The following KCNH1 variants were observed in gnomAD, a reference collection of about 807,000 sequenced individuals.
KCNH1 encodes potassium voltage-gated channel subfamily H member 1, also known as voltage-gated delayed rectifier potassium channel KCNH1.
Under a neutral mutation model 69.2 loss-of-function variants are expected in KCNH1, and 27 were observed. That is an observed-to-expected ratio of 0.39 (90% CI 0.29 to 0.54). The LOEUF (loss-of-function observed/expected upper bound fraction) is 0.54. Ranked by LOEUF, KCNH1 falls within the 20% of genes least tolerant of loss-of-function variation. The probability of loss-of-function intolerance (pLI) is 0.68; values close to 1 mark genes in which losing one functional copy is unlikely to be tolerated. For synonymous variants in KCNH1, 456 were observed against 487.7 expected (o/e 0.93, Z 0.86); for missense variants, 798 against 1,261.6 (o/e 0.63, Z 5.57).
At chr1:210,701,058 C>A (rs570913487) in intron 10 of KCNH1, among the ~76,000 whole-genome samples, 1 of 152,288 alleles carries the variant, frequency 6.6e-6, no homozygotes, top group South Asian at 2.1e-4. Flanking sequence ...CTGCCTCAGC[C>A]TCCCAAGTAG....
At chr1:211,117,148 C>G (rs190688540) in intron 1 of KCNH1, among the ~76,000 whole-genome samples, 6 of 152,202 alleles carry the variant, frequency 3.9e-5, no homozygotes, top group Admixed American at 2.0e-4. Flanking sequence ...ACTGCTGATG[C>G]TGTGTAAGCT....
intron 6 of KCNH1, among the ~76,000 whole-genome samples, chr1:211,016,832 C>T (rs1189772025): frequency 6.9e-6 from 1 of 145,224 alleles, no homozygotes; most frequent in African/African-American, 2.6e-5. Flanking sequence ...TTGCCTGAAC[C>T]TGGGAGGCAG....
chr1:210,806,656 A>T (rs1024167176), intron 7 of KCNH1, among the ~76,000 whole-genome samples: 1 of 151,086 alleles, frequency 6.6e-6, no homozygotes. Context: ...GTTTAATAAT[A>T]GTTCATGTCT....
At chr1:210,976,253 C>T (rs11119641) in intron 6 of KCNH1, among the ~76,000 whole-genome samples, 8,407 of 145,474 alleles carry the variant, frequency 0.058, 342 homozygotes, top group East Asian at 0.16. Context: ...TTACTGGGTA[C>T]ATACCCAAAG....
chr1:210,770,143 T>C (rs1203741487), intron 10 of KCNH1, among the ~76,000 whole-genome samples: 2 of 149,406 alleles, frequency 1.3e-5, no homozygotes, highest in African/African-American at 2.5e-5. Flanking sequence ...TAAGTGGGAA[T>C]TGAACAATGA....
At position 211,099,887 on chromosome 1, in the gene KCNH1, GC is replaced by G. The variant is rs1260868231; in HGVS notation, c.310+3608del. 2.6e-5 allele frequency among the ~76,000 whole-genome samples: 4 copies of G among 152,124 alleles called. No homozygotes were observed. The East Asian group carries it at 7.7e-4, about 29-fold the overall frequency. On this transcript the variant is annotated intron_variant, in intron 3 of 10. Transcript: ENST00000271751. ...GGCCCTGCGCTCCATCTCCTCCATA[GC>G]CCCCTGGACACCTGTCAGTTTGAAT...
At chr1:210,899,346 CT>C (rs1229855888) in intron 7 of KCNH1, among the ~76,000 whole-genome samples, 1 of 152,116 alleles carries the variant, frequency 6.6e-6, no homozygotes, top group African/African-American at 2.4e-5. Flanking sequence ...AAGAACAGCA[CT>C]CTTGACACAA....
At chr1:210,953,677 C>T (rs1688106523) in intron 6 of KCNH1, among the ~76,000 whole-genome samples, 1 of 152,144 alleles carries the variant, frequency 6.6e-6, no homozygotes, top group Non-Finnish European at 1.5e-5. Context: ...CGAATCCCGT[C>T]GTTTCCTGGC....
chr1:210,832,921 T>TATATATATATATATAC (rs10693882), intron 7 of KCNH1, among the ~76,000 whole-genome samples: 47 of 144,284 alleles, frequency 3.3e-4, no homozygotes, highest in South Asian at 1.1e-3. Flanking sequence ...TATATATATA[T>TATATATATATATATAC]ACATATAAAT....
rs1004283056 is a variant in KCNH1 at position 210,779,492 on chromosome 1, T to A, written c.1916-3948A>T. On this transcript the variant is annotated intron_variant, in intron 9 of 10. Transcript: ENST00000271751. ...GAAATAATGACTTCCCAGGTCAGGG[T>A]TGCAAATCAGAAGCCCGGACAAGCA... is the stretch of plus-strand genomic sequence containing the variant. Among the ~76,000 whole-genome samples, 9 of 152,152 alleles carry A rather than the reference T, an allele frequency of 5.9e-5. No individual in the cohort carries two copies. In the East Asian group the frequency reaches 1.7e-3, roughly 29 times the overall value.
At chr1:210,866,297 G>T (rs1322048160) in intron 7 of KCNH1, among the ~76,000 whole-genome samples, 1 of 152,036 alleles carries the variant, frequency 6.6e-6, no homozygotes, top group Non-Finnish European at 1.5e-5. Flanking sequence ...CTTTTGTACT[G>T]CAAAAGATAC....
chr1:211,062,664 T>G (rs950144743), intron 5 of KCNH1, among the ~76,000 whole-genome samples: 1 of 152,176 alleles, frequency 6.6e-6, no homozygotes, highest in Admixed American at 6.5e-5. Context: ...TAAATAGATA[T>G]TTCTCAAAAG....
chr1:211,065,809 C>T (rs750657391), intron 5 of KCNH1, among the ~76,000 whole-genome samples: 1 of 152,008 alleles, frequency 6.6e-6, no homozygotes, highest in Non-Finnish European at 1.5e-5. Context: ...CCTGTATTCC[C>T]AGAACTTTAG....
intron 10 of KCNH1, among the ~76,000 whole-genome samples, chr1:210,711,123 A>G (rs923817695): frequency 2.0e-5 from 3 of 151,800 alleles, no homozygotes; most frequent in Non-Finnish European, 4.4e-5. Flanking sequence ...CATGAAATTC[A>G]CCCTTAGTCT....
In KCNH1 at chr1:210,700,331, C is replaced by T. The variant is rs137976781; in HGVS notation, c.2113-16193G>A. Among the ~76,000 whole-genome samples the T allele has an allele frequency of 2.9e-3, 445 of 152,276 alleles. 6 individuals carry two copies. Among genetic ancestry groups the T allele is most frequent in the African/African-American group, 0.01 (417 of 41,530 alleles). ...CAACTCACAAGCTTCCACCACATTC[C>T]CTGCTGCAGGTATGGAGTGTCCGAG... On this transcript the variant is annotated intron_variant, in intron 10 of 10. Coordinates refer to ENST00000271751, the MANE Select transcript of KCNH1 (RefSeq NM_172362.3).
chr1:210,806,836 A>AAATATATATATATATAT, intron 7 of KCNH1, among the ~76,000 whole-genome samples: 1 of 85,680 alleles, frequency 1.2e-5, no homozygotes, highest in Non-Finnish European at 2.2e-5. Flanking sequence ...AAAAAAAAAA[A>AAATATATATATATATAT]ATATATATAT....
At chr1:210,849,576 G>A (rs1685639007) in intron 7 of KCNH1, among the ~76,000 whole-genome samples, 1 of 151,960 alleles carries the variant, frequency 6.6e-6, no homozygotes, top group Non-Finnish European at 1.5e-5. Context: ...ATGTTGGTTA[G>A]GCTGGTCTCA....
chr1:211,000,918 T>G (rs976303204), intron 6 of KCNH1, among the ~76,000 whole-genome samples: 3 of 152,150 alleles, frequency 2.0e-5, no homozygotes, highest in African/African-American at 4.8e-5. Context: ...GGGGAAAGGA[T>G]TCCCTATTTA....
intron 8 of KCNH1, among the ~76,000 whole-genome samples, chr1:210,798,214 T>C (rs1684359732): frequency 6.6e-6 from 1 of 151,960 alleles, no homozygotes; most frequent in South Asian, 2.1e-4. Context: ...TAATTTTTTG[T>C]ATTTTTAGTA....
Sources: allele counts gnomAD v4.1 joint callset (sites outside exome capture counted in the v4.1 genomes callset), GRCh38; gene constraint gnomAD v4.1.1; transcripts MANE v1.5; gene names NCBI Gene and HGNC (gene_info 2026-07-23, HGNC 2026-07-21).